Variants in MIPOL1 observed in about 807,000 individuals in gnomAD.
The protein encoded by MIPOL1 is mirror-image polydactyly 1, also known as mirror-image polydactyly gene 1 protein.
Under a neutral mutation model 60.9 loss-of-function variants are expected in MIPOL1, and 57 were observed. That is an observed-to-expected ratio of 0.94 (90% CI 0.76 to 1.17). The LOEUF is 1.17. Ranked by LOEUF, MIPOL1 falls within the 50% of genes most tolerant of loss-of-function variation. MIPOL1 has a pLI of 0.00. For synonymous variants in MIPOL1, 179 were observed against 168.8 expected (o/e 1.06, Z -0.47); for missense variants, 551 against 511.6 (o/e 1.08, Z -0.74).
intron 11 of MIPOL1, among the ~76,000 whole-genome samples, chr14:37,474,355 C>A (rs568162094): frequency 1.3e-5 from 2 of 152,218 alleles, no homozygotes; most frequent in East Asian, 3.9e-4. Flanking sequence ...TTGTAGCTCC[C>A]GTAATCCCCA....
intron 1 of MIPOL1, among the ~76,000 whole-genome samples, chr14:37,221,458 T>A (rs1204122257): frequency 6.6e-6 from 1 of 152,160 alleles, no homozygotes; most frequent in African/African-American, 2.4e-5. Flanking sequence ...CTCACATTGC[T>A]ATAAAGAGGT....
At chr14:37,544,245 A>C (rs1259365799) in intron 12 of MIPOL1, among the ~76,000 whole-genome samples, 1 of 152,212 alleles carries the variant, frequency 6.6e-6, no homozygotes. Context: ...AAAGAAACAA[A>C]AATCATATTT....
chr14:37,335,726 A>G (rs1403982052), intron 9 of MIPOL1, among the ~76,000 whole-genome samples: 1 of 152,068 alleles, frequency 6.6e-6, no homozygotes, highest in Non-Finnish European at 1.5e-5. Context: ...ATATATTTTC[A>G]TTGGAGAAAT....
chr14:37,214,214 A>G (rs1207495606), intron 1 of MIPOL1, among the ~76,000 whole-genome samples: 1 of 152,212 alleles, frequency 6.6e-6, no homozygotes, highest in Non-Finnish European at 1.5e-5. Flanking sequence ...AACGACTCTC[A>G]TTCTCAGTAG....
chr14:37,437,985 T>C (rs1334562234), intron 11 of MIPOL1, among the ~76,000 whole-genome samples: 1 of 152,160 alleles, frequency 6.6e-6, no homozygotes, highest in Non-Finnish European at 1.5e-5. Flanking sequence ...AATCATTTGA[T>C]TTTTCTTTAG....
rs748990373 is a variant in MIPOL1 at position 37,549,613 on chromosome 14, G to T, written c.*2642G>T. On this transcript the variant is annotated 3_prime_UTR_variant, in exon 13 of 13. Transcript: ENST00000684589. ...TGTAAGAAAAAAATTTCAAAGTAAA[G>T]ATTTTACTCTTGCAATTTCTGTTGT... The T allele has an allele frequency of 1.6e-4, 25 of 151,792 alleles. No individual in the cohort carries two copies. The highest frequency in any genetic ancestry group is 3.7e-4 in the Non-Finnish European group (25 of 67,802). The allele number at this position is 151,792 out of a possible 1,614,324, so 9.4% of individuals were successfully genotyped here. A position where few individuals can be genotyped will look rare whatever the true frequency, so the allele number is the denominator to read the frequency against.
rs184541073 is a variant in MIPOL1 at position 37,308,559 on chromosome 14, T to G, written c.828+40T>G. The G allele has an allele frequency of 1.4e-3, 1,944 of 1,379,922 alleles. 6 individuals carry two copies. Among genetic ancestry groups the G allele is most frequent in the Non-Finnish European group, 1.5e-3 (1,567 of 1,055,054 alleles). The allele number at this position is 1,379,922 out of a possible 1,614,324, so 85.5% of individuals were successfully genotyped here. Reference sequence around the variant, plus strand: ...ATCTGTAAAAGCATATACTTACCATTTTCCTCTCTATTTTTTTAACCATTA... The same window carrying G: ...ATCTGTAAAAGCATATACTTACCATGTTCCTCTCTATTTTTTTAACCATTA... On this transcript the variant is annotated intron_variant, in intron 9 of 12. Transcript: ENST00000684589.
intron 10 of MIPOL1, among the ~76,000 whole-genome samples, chr14:37,397,770 A>G (rs2093403057): frequency 6.6e-6 from 1 of 152,108 alleles, no homozygotes; most frequent in South Asian, 2.1e-4. Flanking sequence ...TGGCAGTCAC[A>G]GGCCTCACCC....
chr14:37,267,183 G>A lies in MIPOL1; in HGVS notation c.251+14G>A, dbSNP rs1216967296. 2 of 1,592,936 alleles carry A rather than the reference G, an allele frequency of 1.3e-6. No homozygotes were observed. Among genetic ancestry groups the A allele is most frequent in the Admixed American group, 1.7e-5 (1 of 59,844 alleles). On this transcript the variant is annotated intron_variant, in intron 4 of 12. Transcript: ENST00000684589. ...TGAAAAATACAAGTAAGTGCTCACA[G>A]CCTTAGATTTAGAAGGAATTGGGGC...
intron 9 of MIPOL1, among the ~76,000 whole-genome samples, chr14:37,317,547 C>T (rs1044414448): frequency 1.3e-5 from 2 of 152,036 alleles, no homozygotes; most frequent in Admixed American, 6.6e-5. Context: ...GACTCTCCCT[C>T]ACTGTGGACT....
intron 10 of MIPOL1, among the ~76,000 whole-genome samples, chr14:37,387,169 T>C (rs1404818536): frequency 6.6e-6 from 1 of 151,876 alleles, no homozygotes; most frequent in Admixed American, 6.6e-5. Flanking sequence ...TAGAAGATAA[T>C]GAAACTGTGA....
At chr14:37,198,804 G>A (rs1276553411) in intron 1 of MIPOL1, among the ~76,000 whole-genome samples, 2 of 152,044 alleles carry the variant, frequency 1.3e-5, no homozygotes, top group Non-Finnish European at 2.9e-5. Flanking sequence ...AAAACAAAGG[G>A]CCAAACAAAA....
intron 11 of MIPOL1, among the ~76,000 whole-genome samples, chr14:37,482,089 A>G (rs2094879802): frequency 6.6e-6 from 1 of 152,190 alleles, no homozygotes; most frequent in Non-Finnish European, 1.5e-5. Flanking sequence ...GATTACATGA[A>G]ACTAAAAAGC....
At chr14:37,327,604 T>G (rs779471441) in intron 9 of MIPOL1, among the ~76,000 whole-genome samples, 17 of 152,140 alleles carry the variant, frequency 1.1e-4, no homozygotes, top group Non-Finnish European at 2.1e-4. Flanking sequence ...AGTCTTTAGC[T>G]GACAGTGAAA....
At chr14:37,315,125 C>G (rs1383740420) in intron 9 of MIPOL1, among the ~76,000 whole-genome samples, 2 of 152,064 alleles carry the variant, frequency 1.3e-5, no homozygotes, top group East Asian at 1.9e-4. Context: ...GTGATCAAGG[C>G]AGGCCTATTT....
intron 6 of MIPOL1, among the ~76,000 whole-genome samples, chr14:37,280,018 C>T (rs2083977822): frequency 6.6e-6 from 1 of 152,054 alleles, no homozygotes; most frequent in Admixed American, 6.6e-5. Flanking sequence ...TTAGATTCCA[C>T]ATATGTGAGA....
intron 9 of MIPOL1, among the ~76,000 whole-genome samples, chr14:37,351,801 G>A (rs2091412001): frequency 7.3e-6 from 1 of 136,858 alleles, no homozygotes; most frequent in Non-Finnish European, 1.6e-5. Flanking sequence ...TGTAGATTGT[G>A]GATATTAGCC....
rs185015117 is a variant in MIPOL1, at chr14:37,457,969, A to C, written c.1031+35020A>C. 1.7e-3 allele frequency among the ~76,000 whole-genome samples: 257 copies of C among 152,226 alleles called. 1 individual carries two copies. Among genetic ancestry groups the C allele is most frequent in the African/African-American group, 5.9e-3 (243 of 41,534 alleles). ...GTTTTTCATGGGTAGACACTCATAC[A>C]CTCAGACATGGGTTGAAAAAGATAT... On this transcript the variant is annotated intron_variant, in intron 11 of 12. Coordinates refer to ENST00000684589, the MANE Select transcript of MIPOL1 (RefSeq NM_001388067.1).
intron 1 of MIPOL1, among the ~76,000 whole-genome samples, chr14:37,223,605 C>G (rs559876712): frequency 6.6e-6 from 1 of 151,848 alleles, no homozygotes; most frequent in Non-Finnish European, 1.5e-5. Flanking sequence ...TGGGTTCAAG[C>G]GATTTTCCTG....
Sources: gnomAD v4.1 joint callset for allele counts (sites outside exome capture counted in the v4.1 genomes callset) on GRCh38, gnomAD v4.1.1 for gene constraint, MANE v1.5 for transcripts, NCBI Gene and HGNC (gene_info 2026-07-23, HGNC 2026-07-21) for gene names.